The following PTPRR variants were observed in gnomAD, a reference collection of about 807,000 sequenced individuals.
PTPRR encodes protein tyrosine phosphatase receptor type R, also known as receptor-type tyrosine-protein phosphatase R.
PTPRR carries 38 observed loss-of-function variants against 77.2 expected under a neutral mutation model. That is an observed-to-expected ratio of 0.49 (90% CI 0.38 to 0.65). PTPRR has a LOEUF of 0.65. PTPRR is among the 30% of genes least tolerant of loss of function. The pLI is 0.00. For missense variants in PTPRR, 744 were observed against 799.2 expected (o/e 0.93, Z 0.83); for synonymous variants, 299 against 283.1 (o/e 1.06, Z -0.57).
chr12:70,827,507 C>A (rs1403987297), intron 2 of PTPRR, among the ~76,000 whole-genome samples: 2 of 151,570 alleles, frequency 1.3e-5, no homozygotes, highest in Non-Finnish European at 2.9e-5. Flanking sequence ...GGTAAGGGAG[C>A]TCTCCAGAAT....
intron 1 of PTPRR, among the ~76,000 whole-genome samples, chr12:70,918,800 T>C (rs1343649317): frequency 6.6e-6 from 1 of 152,236 alleles, no homozygotes; most frequent in Non-Finnish European, 1.5e-5. Context: ...AATGTTTGTG[T>C]CAGTCTATTA....
At chr12:70,639,342 G>A (rs1885908152) in intron 13 of PTPRR, 65 bp from the exon 14 acceptor site, 2 of 1,551,282 alleles carry the variant, frequency 1.3e-6, no homozygotes, top group African/African-American at 2.7e-5. Flanking sequence ...GTAACACAGA[G>A]ATTTCATCCA....
intron 2 of PTPRR, among the ~76,000 whole-genome samples, chr12:70,808,927 C>A (rs1377436591): frequency 6.6e-6 from 1 of 152,164 alleles, no homozygotes; most frequent in East Asian, 1.9e-4. Flanking sequence ...TCAGAAATTG[C>A]TCTTTTCCTG....
rs773867472 is a variant in PTPRR at position 70,639,256 on chromosome 12, A to G, written c.1902T>C (p.Ser634=). The change falls in exon 14 of 14, where the codon AGT becomes AGC. Residue 634 remains serine (S), a synonymous_variant. Coordinates refer to ENST00000283228, the MANE Select transcript of PTPRR (RefSeq NM_002849.4). ...RMDRGGMVQT[S]EQYEFVHHAL... Reference sequence around the variant, plus strand: ...CATGGTGCACAAATTCATACTGCTCACTGGTTTGCACCATTCCACCTCTGC... The same window carrying G: ...CATGGTGCACAAATTCATACTGCTCGCTGGTTTGCACCATTCCACCTCTGC... The G allele has an allele frequency of 1.2e-6, 2 of 1,613,418 alleles. No homozygotes were observed. Among genetic ancestry groups the G allele is most frequent in the Non-Finnish European group, 1.7e-6 (2 of 1,179,896 alleles).
intron 5 of PTPRR, 142 bp from the exon 6 acceptor site, chr12:70,746,228 C>T (rs1565679334): frequency 5.0e-6 from 4 of 794,316 alleles, no homozygotes; most frequent in East Asian, 5.4e-5. Context: ...GATGATTTCT[C>T]AGTTTCATGG....
At chr12:70,771,613 G>A (rs1356178047) in intron 2 of PTPRR, among the ~76,000 whole-genome samples, 1 of 152,134 alleles carries the variant, frequency 6.6e-6, no homozygotes, top group Non-Finnish European at 1.5e-5. Context: ...ATAATAAAAA[G>A]CACAAATTAA....
At chr12:70,815,158 C>T (rs1891880824) in intron 2 of PTPRR, among the ~76,000 whole-genome samples, 1 of 59,068 alleles carries the variant, frequency 1.7e-5, no homozygotes, top group African/African-American at 3.5e-5. Context: ...ACCCACGTGT[C>T]ACTTCTAGAA....
At chr12:70,790,921 A>G (rs1449805584) in intron 2 of PTPRR, among the ~76,000 whole-genome samples, 1 of 152,082 alleles carries the variant, frequency 6.6e-6, no homozygotes, top group Admixed American at 6.6e-5. Flanking sequence ...CTCACCCTCC[A>G]GAGTTGGTAA....
chr12:70,648,587 C>T lies in PTPRR; in HGVS notation c.1880+8117G>A, dbSNP rs779044995. 3.3e-5 allele frequency among the ~76,000 whole-genome samples: 5 copies of T among 152,154 alleles called. No individual in the cohort carries two copies. In the East Asian group the frequency reaches 5.8e-4, roughly 18 times the overall value. On this transcript the variant is annotated intron_variant, in intron 13 of 13. Coordinates refer to ENST00000283228, the MANE Select transcript of PTPRR (RefSeq NM_002849.4). The stretch of plus-strand genomic sequence containing the variant: ...CAGAAAAGGTTGGAGATCACTGTTA[C>T]GCCCCACATCTCCTTTTACTATGTA...
intron 4 of PTPRR, among the ~76,000 whole-genome samples, chr12:70,756,121 C>T (rs978988635): frequency 1.3e-5 from 2 of 151,750 alleles, no homozygotes; most frequent in Admixed American, 1.3e-4. Flanking sequence ...GTTCCTAACC[C>T]GATTTGGTTC....
intron 2 of PTPRR, among the ~76,000 whole-genome samples, chr12:70,866,713 G>A (rs1892857239): frequency 6.6e-6 from 1 of 152,136 alleles, no homozygotes; most frequent in Non-Finnish European, 1.5e-5. Context: ...ACCAATGCCT[G>A]GCAGAGACAC....
intron 1 of PTPRR, among the ~76,000 whole-genome samples, chr12:70,903,356 C>T (rs1038880042): frequency 6.6e-6 from 1 of 151,432 alleles, no homozygotes; most frequent in African/African-American, 2.4e-5. Context: ...TCACATTTTA[C>T]CCCATACATA....
intron 2 of PTPRR, among the ~76,000 whole-genome samples, chr12:70,834,659 G>A (rs1173173549): frequency 6.6e-6 from 1 of 152,072 alleles, no homozygotes; most frequent in Non-Finnish European, 1.5e-5. Flanking sequence ...TCATGCCTAG[G>A]ACACAGCAGG....
chr12:70,897,316 C>A (rs1362921866), intron 1 of PTPRR, among the ~76,000 whole-genome samples: 3 of 151,698 alleles, frequency 2.0e-5, no homozygotes, highest in Non-Finnish European at 4.4e-5. Context: ...AGAAAAAAAA[C>A]AAACAACCCC....
chr12:70,664,697 C>G (rs1052780485), intron 10 of PTPRR: 7 of 152,178 alleles, frequency 4.6e-5, no homozygotes, highest in African/African-American at 1.7e-4. Flanking sequence ...TTGCCGGGGG[C>G]CCTCTTGAAT....
intron 2 of PTPRR, among the ~76,000 whole-genome samples, chr12:70,864,694 C>T (rs1443231289): frequency 6.6e-6 from 1 of 152,110 alleles, no homozygotes; most frequent in African/African-American, 2.4e-5. Context: ...AATTGTAGCT[C>T]CCATAATTAC....
intron 12 of PTPRR, among the ~76,000 whole-genome samples, chr12:70,658,799 A>G (rs1268131732): frequency 4.7e-5 from 7 of 148,374 alleles, no homozygotes; most frequent in African/African-American, 1.5e-4. Context: ...AAGTTTACAT[A>G]CTCAAATGTG....
At chr12:70,904,558 A>T (rs1289753657) in intron 1 of PTPRR, among the ~76,000 whole-genome samples, 2 of 151,886 alleles carry the variant, frequency 1.3e-5, no homozygotes. Context: ...AGACAAAAAG[A>T]TAGTAGGAAG....
intron 1 of PTPRR, among the ~76,000 whole-genome samples, chr12:70,901,210 CT>C (rs913558236): frequency 5.3e-5 from 8 of 151,472 alleles, no homozygotes; most frequent in African/African-American, 1.9e-4. Context: ...CCTCAAAAAA[CT>C]AAAAATAGAA....
Sources: gnomAD v4.1 joint callset for allele counts (sites outside exome capture counted in the v4.1 genomes callset) on GRCh38, gnomAD v4.1.1 for gene constraint, MANE v1.5 for transcripts, NCBI Gene and HGNC (gene_info 2026-07-23, HGNC 2026-07-21) for gene names.